The following L3MBTL4 variants were observed in gnomAD, a reference collection of about 807,000 sequenced individuals.
L3MBTL4 encodes lethal(3)malignant brain tumor-like protein 4.
Under a neutral mutation model 84.5 loss-of-function variants are expected in L3MBTL4, and 70 were observed. The observed-to-expected ratio is 0.83, with a 90% CI of 0.68 to 1.01. L3MBTL4 has a LOEUF of 1.01. Among genes scored for constraint, L3MBTL4 ranks in the 50% least tolerant of loss-of-function variants. The pLI, the probability that L3MBTL4 is intolerant of heterozygous loss-of-function variation, is 0.00. For synonymous variants in L3MBTL4, 274 were observed against 259.8 expected (o/e 1.05, Z -0.52); for missense variants, 715 against 754.8 (o/e 0.95, Z 0.62).
At chr18:6,364,602 AT>A (rs1234424513) in intron 1 of L3MBTL4, among the ~76,000 whole-genome samples, 2 of 152,160 alleles carry the variant, frequency 1.3e-5, no homozygotes. Context: ...TCATCATTAA[AT>A]AAACTGCTAA....
intron 14 of L3MBTL4, among the ~76,000 whole-genome samples, chr18:6,123,908 T>G (rs2059605940): frequency 6.6e-6 from 1 of 152,182 alleles, no homozygotes; most frequent in South Asian, 2.1e-4. Context: ...TCCAGTGATG[T>G]TTATGTGTTG....
intron 5 of L3MBTL4, chr18:6,260,812 T>TA (rs2048365634): frequency 6.6e-6 from 1 of 152,208 alleles, no homozygotes; most frequent in South Asian, 2.1e-4. Context: ...ACAATGAAAA[T>TA]GAACATTAAT....
At chr18:6,128,235 G>C (rs1453258974) in intron 14 of L3MBTL4, among the ~76,000 whole-genome samples, 1 of 151,696 alleles carries the variant, frequency 6.6e-6, no homozygotes, top group Non-Finnish European at 1.5e-5. Flanking sequence ...AGACAAACTT[G>C]AGGAGATATT....
rs181186694 is a variant in L3MBTL4 at position 5,967,610 on chromosome 18, T to C, written c.1614+1783A>G. 1.2e-3 allele frequency among the ~76,000 whole-genome samples: 183 copies of C among 152,098 alleles called. 1 individual carries two copies. The highest frequency in any genetic ancestry group is 4.3e-3 in the African/African-American group (177 of 41,480). ...TACCAGGTGCCTATTAAGTGCAGAG[T>C]GTAGTGAGGGGTTCTCAAGATGTCA... is the stretch of plus-strand genomic sequence containing the variant. On this transcript the variant is annotated intron_variant, in intron 17 of 18. Coordinates refer to ENST00000317931, the MANE Select transcript of L3MBTL4 (RefSeq NM_001330559.2).
chr18:6,263,452 C>G (rs980471671), intron 5 of L3MBTL4, among the ~76,000 whole-genome samples: 2 of 152,124 alleles, frequency 1.3e-5, no homozygotes, highest in Non-Finnish European at 2.9e-5. Context: ...ACCAGCTGCT[C>G]TGTTCACCTT....
chr18:6,353,293 A>T (rs1379291526), intron 1 of L3MBTL4, among the ~76,000 whole-genome samples: 1 of 152,144 alleles, frequency 6.6e-6, no homozygotes, highest in Admixed American at 6.5e-5. Context: ...AAAAAAAAAA[A>T]AATGCTTATT....
chr18:6,306,802 G>C (rs564825473), intron 3 of L3MBTL4, among the ~76,000 whole-genome samples: 1 of 152,288 alleles, frequency 6.6e-6, no homozygotes, highest in East Asian at 1.9e-4. Flanking sequence ...TGCAATCTAA[G>C]ACTGTTGTTC....
chr18:6,192,158 C>G (rs1373527351), intron 12 of L3MBTL4, among the ~76,000 whole-genome samples: 1 of 152,132 alleles, frequency 6.6e-6, no homozygotes, highest in Non-Finnish European at 1.5e-5. Context: ...CGTGAAGAAA[C>G]TGTTAGCAGA....
intron 13 of L3MBTL4, among the ~76,000 whole-genome samples, chr18:6,145,515 T>G (rs2042611276): frequency 6.6e-6 from 1 of 151,568 alleles, no homozygotes. Context: ...TCAGGAGCAT[T>G]CCTATCTTTA....
intron 16 of L3MBTL4, among the ~76,000 whole-genome samples, chr18:6,050,188 T>C (rs907395388): frequency 1.3e-5 from 2 of 152,188 alleles, no homozygotes; most frequent in Admixed American, 6.5e-5. Flanking sequence ...GGGAGGGTAC[T>C]GGGTCAAAAG....
intron 1 of L3MBTL4, among the ~76,000 whole-genome samples, chr18:6,334,409 T>A (rs1221312718): frequency 6.6e-6 from 1 of 152,068 alleles, no homozygotes; most frequent in Non-Finnish European, 1.5e-5. Context: ...TGACTCTAAG[T>A]CAAAAGTGAT....
At chr18:6,098,096 C>T (rs1488315703) in intron 14 of L3MBTL4, among the ~76,000 whole-genome samples, 1 of 152,196 alleles carries the variant, frequency 6.6e-6, no homozygotes, top group East Asian at 1.9e-4. Flanking sequence ...CTCAGCTATA[C>T]TCTCCTCTTG....
intron 14 of L3MBTL4, among the ~76,000 whole-genome samples, chr18:6,121,932 A>C (rs2059543125): frequency 6.6e-6 from 1 of 152,166 alleles, no homozygotes; most frequent in Non-Finnish European, 1.5e-5. Flanking sequence ...TCTACAAGTG[A>C]GAGGCATAAT....
chr18:6,171,486 A>G (rs2043967983), intron 13 of L3MBTL4, among the ~76,000 whole-genome samples: 1 of 152,234 alleles, frequency 6.6e-6, no homozygotes, highest in Non-Finnish European at 1.5e-5. Flanking sequence ...TAAAATAAAG[A>G]TCAGATGTTT....
At chr18:6,376,781 C>T (rs190717989) in intron 1 of L3MBTL4, among the ~76,000 whole-genome samples, 1 of 152,248 alleles carries the variant, frequency 6.6e-6, no homozygotes, top group Non-Finnish European at 1.5e-5. Context: ...AACTACTTTC[C>T]TTACTAGCAT....
At chr18:6,004,849 G>A (rs1259981278) in intron 16 of L3MBTL4, among the ~76,000 whole-genome samples, 2 of 151,972 alleles carry the variant, frequency 1.3e-5, no homozygotes, top group Non-Finnish European at 2.9e-5. Context: ...TGCAGGGAGC[G>A]GCAATGGGGA....
intron 5 of L3MBTL4, among the ~76,000 whole-genome samples, chr18:6,249,692 A>C (rs967091076): frequency 1.3e-5 from 2 of 152,204 alleles, no homozygotes; most frequent in African/African-American, 4.8e-5. Context: ...CAGGTTTTAA[A>C]AATTTTTTCC....
chr18:6,372,530 T>A (rs1332218245), intron 1 of L3MBTL4, among the ~76,000 whole-genome samples: 3 of 152,198 alleles, frequency 2.0e-5, no homozygotes, highest in African/African-American at 4.8e-5. Flanking sequence ...TGCAACTCTT[T>A]ATTTCATTTT....
intron 1 of L3MBTL4, among the ~76,000 whole-genome samples, chr18:6,351,760 C>T (rs565728110): frequency 7.9e-5 from 12 of 152,102 alleles, no homozygotes; most frequent in Non-Finnish European, 1.6e-4. Flanking sequence ...ACCATGTTAG[C>T]CAGGATGGTC....
Sources: allele counts gnomAD v4.1 joint callset (sites outside exome capture counted in the v4.1 genomes callset), GRCh38; gene constraint gnomAD v4.1.1; transcripts MANE v1.5; gene names NCBI Gene and HGNC (gene_info 2026-07-23, HGNC 2026-07-21).